The following KCNMB2 variants were observed in gnomAD, a reference collection of about 807,000 sequenced individuals.
The protein encoded by KCNMB2 is calcium-activated potassium channel subunit beta-2.
In KCNMB2, 9 loss-of-function variants were observed where a neutral mutation model predicts 24.5. The ratio of observed to expected loss-of-function variants is 0.37; its 90% CI spans 0.22 to 0.64. The LOEUF is 0.64. Among genes scored for constraint, KCNMB2 ranks in the 30% least tolerant of loss-of-function variants. KCNMB2 has a pLI of 0.63. For synonymous variants in KCNMB2, 109 were observed against 104.4 expected (o/e 1.04, Z -0.27); for missense variants, 226 against 284.3 (o/e 0.79, Z 1.47).
chr3:178,622,515 A>C (rs1447720053), intron 1 of KCNMB2, among the ~76,000 whole-genome samples: 2 of 152,340 alleles, frequency 1.3e-5, no homozygotes, highest in East Asian at 3.9e-4. Flanking sequence ...TAAATGGTAA[A>C]GCCAAAGGAA....
At position 178,800,510 on chromosome 3, in the gene KCNMB2, C is replaced by T. The variant is rs577278597; in HGVS notation, c.-67-6833C>T. Among the ~76,000 whole-genome samples, 5 of 152,014 alleles carry T rather than the reference C, an allele frequency of 3.3e-5. No individual in the cohort carries two copies. The South Asian group carries it at 8.3e-4, about 25-fold the overall frequency. On this transcript the variant is annotated intron_variant, in intron 1 of 4. Coordinates refer to ENST00000452583, the MANE Select transcript of KCNMB2 (RefSeq NM_181361.3). ...CACCCCAAGTTAAAATGACTTTTAT[C>T]CAAAAGACAGGGAATAACAAATGCT...
In KCNMB2 at chr3:178,750,837, A is replaced by C. The variant is rs534123583; in HGVS notation, c.-67-56506A>C. 5.3e-5 allele frequency among the ~76,000 whole-genome samples: 8 copies of C among 152,312 alleles called. No individual in the cohort carries two copies. The South Asian group carries it at 1.5e-3, about 28-fold the overall frequency. On this transcript the variant is annotated intron_variant, in intron 1 of 4. Coordinates refer to ENST00000452583, the MANE Select transcript of KCNMB2 (RefSeq NM_181361.3). Reference sequence around the variant, plus strand: ...GAGATGAATAATAATTCCCTGTGTTACTTCCTCATCAACTCCAGCAGGCAA... The same window carrying C: ...GAGATGAATAATAATTCCCTGTGTTCCTTCCTCATCAACTCCAGCAGGCAA...
At chr3:178,655,350 C>G (rs1246554705) in intron 1 of KCNMB2, among the ~76,000 whole-genome samples, 3 of 152,064 alleles carry the variant, frequency 2.0e-5, no homozygotes, top group South Asian at 2.1e-4. Flanking sequence ...TTTCAAATCA[C>G]AGGTGAAAAA....
intron 1 of KCNMB2, among the ~76,000 whole-genome samples, chr3:178,578,578 A>G (rs1381431731): frequency 6.6e-6 from 1 of 152,190 alleles, no homozygotes; most frequent in Non-Finnish European, 1.5e-5. Flanking sequence ...AAAGACACAG[A>G]CTGGCAAATT....
chr3:178,659,460 T>A (rs80209075), intron 1 of KCNMB2, among the ~76,000 whole-genome samples: 3,016 of 152,322 alleles, frequency 0.02, 100 homozygotes, highest in African/African-American at 0.07. Context: ...AACTTTGATG[T>A]CAATTTCATA....
chr3:178,807,734 T>C (rs2108452521), intron 2 of KCNMB2, among the ~76,000 whole-genome samples: 1 of 152,246 alleles, frequency 6.6e-6, no homozygotes, highest in East Asian at 1.9e-4. Flanking sequence ...CCAGCTCTGC[T>C]TTCAGATATC....
chr3:178,841,720 A>G (rs1715435617), intron 4 of KCNMB2: 1 of 152,192 alleles, frequency 6.6e-6, no homozygotes, highest in Non-Finnish European at 1.5e-5. Context: ...TAAGAAAAGC[A>G]TGGGGGAAAC....
chr3:178,821,706 C>T (rs1714631696), intron 2 of KCNMB2, among the ~76,000 whole-genome samples: 1 of 152,124 alleles, frequency 6.6e-6, no homozygotes, highest in South Asian at 2.1e-4. Context: ...AAACAAGAAT[C>T]TCACCTTTCC....
At chr3:178,831,714 T>A (rs1201610166) in intron 4 of KCNMB2, among the ~76,000 whole-genome samples, 1 of 152,002 alleles carries the variant, frequency 6.6e-6, no homozygotes, top group Admixed American at 6.6e-5. Flanking sequence ...CACATGGACA[T>A]AATGAATGAA....
chr3:178,838,439 C>T (rs1715308720), intron 4 of KCNMB2, among the ~76,000 whole-genome samples: 1 of 152,064 alleles, frequency 6.6e-6, no homozygotes, highest in African/African-American at 2.4e-5. Flanking sequence ...AGGTGTCAAC[C>T]AGACCTTGCT....
At chr3:178,646,018 G>A (rs768311371) in intron 1 of KCNMB2, among the ~76,000 whole-genome samples, 51 of 152,210 alleles carry the variant, frequency 3.4e-4, no homozygotes, top group Admixed American at 9.2e-4. Context: ...AGACCCTCGC[G>A]TCTCACATCC....
At chr3:178,725,135 C>T (rs1722926792) in intron 1 of KCNMB2, among the ~76,000 whole-genome samples, 1 of 151,958 alleles carries the variant, frequency 6.6e-6, no homozygotes, top group Non-Finnish European at 1.5e-5. Flanking sequence ...ATTGATTCTT[C>T]CAACCCATGT....
In KCNMB2 at chr3:178,568,808, TA is replaced by T. The variant is rs1407711117; in HGVS notation, c.-68+32098del. The stretch of plus-strand genomic sequence containing the variant: ...ATAGATAGATAGATAGATAGATAGA[TA>T]GATAGATAATAGATAGATAGATGAT... On this transcript the variant is annotated intron_variant, in intron 1 of 4. Transcript: ENST00000452583. Among the ~76,000 whole-genome samples the T allele has an allele frequency of 1.6e-3, 80 of 49,586 alleles. 1 individual carries two copies. Among genetic ancestry groups the T allele is most frequent in the African/African-American group, 7.5e-3 (74 of 9,932 alleles). The allele number at this position is 49,586 out of a possible 152,430, so 32.5% of individuals were successfully genotyped here. A position where few individuals can be genotyped will look rare whatever the true frequency, so the allele number is the denominator to read the frequency against.
chr3:178,778,462 A>ACGCACGCACGTGCGCGCGCGCGCACG (rs1437410515), intron 1 of KCNMB2, among the ~76,000 whole-genome samples: 1 of 63,596 alleles, frequency 1.6e-5, no homozygotes, highest in Admixed American at 1.4e-4. Context: ...TAAGACACAC[A>ACGCACGCACGTGCGCGCGCGCGCACG]CACACACACA....
chr3:178,742,185 C>T (rs984302462), intron 1 of KCNMB2, among the ~76,000 whole-genome samples: 6 of 152,194 alleles, frequency 3.9e-5, no homozygotes, highest in Non-Finnish European at 7.3e-5. Flanking sequence ...AACTACTCTA[C>T]GGTTAATGGT....
At chr3:178,745,732 C>A (rs1723645561) in intron 1 of KCNMB2, among the ~76,000 whole-genome samples, 1 of 152,192 alleles carries the variant, frequency 6.6e-6, no homozygotes, top group Non-Finnish European at 1.5e-5. Context: ...ACAGCCATCC[C>A]AAATGGGAGA....
chr3:178,560,442 A>C (rs1716275754), intron 1 of KCNMB2, among the ~76,000 whole-genome samples: 1 of 152,108 alleles, frequency 6.6e-6, no homozygotes, highest in African/African-American at 2.4e-5. Context: ...TAAAGATATC[A>C]CCCCACTGAA....
chr3:178,581,326 G>A (rs1717195840), intron 1 of KCNMB2, among the ~76,000 whole-genome samples: 1 of 152,150 alleles, frequency 6.6e-6, no homozygotes, highest in Non-Finnish European at 1.5e-5. Context: ...GCAGAAAACT[G>A]AAACTGGATC....
chr3:178,603,147 G>C (rs1718149775), intron 1 of KCNMB2, among the ~76,000 whole-genome samples: 2 of 152,108 alleles, frequency 1.3e-5, no homozygotes, highest in African/African-American at 4.8e-5. Context: ...CCTGGGGCAG[G>C]GAAAAAATGA....
Sources: allele counts gnomAD v4.1 joint callset (sites outside exome capture counted in the v4.1 genomes callset), GRCh38; gene constraint gnomAD v4.1.1; transcripts MANE v1.5; gene names NCBI Gene and HGNC (gene_info 2026-07-23, HGNC 2026-07-21).